The following KCNMA1 variants were observed in gnomAD, a reference collection of about 807,000 sequenced individuals.
The protein encoded by KCNMA1 is potassium calcium-activated channel subfamily M alpha 1.
Under a neutral mutation model 140.0 loss-of-function variants are expected in KCNMA1, and 29 were observed. The observed-to-expected ratio is 0.21, with a 90% CI of 0.15 to 0.28. KCNMA1 has a LOEUF of 0.28. KCNMA1 is among the 10% of genes least tolerant of loss of function. The probability of loss-of-function intolerance (pLI) is 1.00; values close to 1 mark genes in which losing one functional copy is unlikely to be tolerated. For missense variants in KCNMA1, 880 were observed against 1,602.2 expected, an observed-to-expected ratio of 0.55 and a Z score of 7.70; for synonymous variants, 612 against 611.9, an observed-to-expected ratio of 1.00 and a Z score of 0.00.
chr10:77,088,172 G>A (rs1595701754), intron 10 of KCNMA1, among the ~76,000 whole-genome samples: 2 of 152,228 alleles, frequency 1.3e-5, no homozygotes, highest in South Asian at 4.1e-4. Flanking sequence ...CATTGGCCAG[G>A]CTGGTCTTGA....
intron 1 of KCNMA1, among the ~76,000 whole-genome samples, chr10:77,508,006 T>A (rs1603630893): frequency 1.3e-5 from 2 of 152,222 alleles, no homozygotes; most frequent in African/African-American, 4.8e-5. Flanking sequence ...TAAACTGCAG[T>A]GTATCTACTT....
chr10:76,953,909 T>A lies in KCNMA1; in HGVS notation c.2376A>T (p.Leu792Phe). The stretch of plus-strand genomic sequence containing the variant: ...TGTCAATCTGATCATTGCCAGGAAT[T>A]AACAAGGGGTCATGCCTGGGAAGAA... Reference protein sequence around the residue: ...SPKLMRHDPLLIPGNDQIDNM... With the variant: ...SPKLMRHDPLFIPGNDQIDNM... The change falls in exon 21 of 28, where the codon TTA (leucine) becomes TTT (phenylalanine). Residue 792 changes from leucine to phenylalanine, a missense_variant. Leu to Phe is a conservative substitution (Grantham distance 22). Around this residue, in one of 13 missense-constraint regions of KCNMA1, gnomAD observed 196 missense variants for 233.0 expected, o/e 0.84. Transcript: ENST00000286628. 1 of 1,614,094 alleles carries A rather than the reference T, an allele frequency of 6.2e-7. No individual in the cohort carries two copies. Among genetic ancestry groups the A allele is most frequent in the Non-Finnish European group, 8.5e-7 (1 of 1,179,974 alleles).
chr10:76,952,145 C>T (rs1389712395), intron 21 of KCNMA1: 2 of 1,551,578 alleles, frequency 1.3e-6, no homozygotes, highest in Non-Finnish European at 1.7e-6. Context: ...CCAGATACGG[C>T]ATCCAGCCTG....
chr10:77,621,539 C>G (rs1054019260), intron 1 of KCNMA1, among the ~76,000 whole-genome samples: 3 of 152,226 alleles, frequency 2.0e-5, no homozygotes, highest in African/African-American at 7.2e-5. Context: ...CACACACACA[C>G]ACACACACCC....
intron 1 of KCNMA1, among the ~76,000 whole-genome samples, chr10:77,437,518 T>C (rs957604411): frequency 3.3e-5 from 5 of 152,160 alleles, no homozygotes; most frequent in African/African-American, 1.2e-4. Flanking sequence ...AGCAGAAAGA[T>C]ATAAAAACAT....
intron 1 of KCNMA1, among the ~76,000 whole-genome samples, chr10:77,494,518 G>A (rs1257414457): frequency 6.6e-6 from 1 of 152,202 alleles, no homozygotes; most frequent in Non-Finnish European, 1.5e-5. Flanking sequence ...TGAATTGGCA[G>A]CCGCTGCTCA....
chr10:77,284,656 G>A (rs924085494), intron 2 of KCNMA1, among the ~76,000 whole-genome samples: 8 of 152,006 alleles, frequency 5.3e-5, no homozygotes, highest in Admixed American at 2.6e-4. Flanking sequence ...CGGGATTACA[G>A]GCACATGGCA....
intron 19 of KCNMA1, among the ~76,000 whole-genome samples, chr10:76,991,054 C>A (rs1481030064): frequency 6.6e-6 from 1 of 152,192 alleles, no homozygotes; most frequent in Non-Finnish European, 1.5e-5. Context: ...ACCCTGACCG[C>A]CATAAAAGGC....
intron 10 of KCNMA1, among the ~76,000 whole-genome samples, chr10:77,088,690 A>G (rs796766031): frequency 2.9e-4 from 44 of 152,234 alleles, no homozygotes; most frequent in African/African-American, 1.1e-3. Context: ...TGGCCTCCCA[A>G]AGTGCTGGGA....
intron 2 of KCNMA1, among the ~76,000 whole-genome samples, chr10:77,363,784 C>T (rs189015324): frequency 1.1e-3 from 160 of 152,254 alleles, no homozygotes; most frequent in African/African-American, 3.4e-3. Flanking sequence ...ATTCCTGCTC[C>T]CTTTTCTGGT....
intron 1 of KCNMA1, among the ~76,000 whole-genome samples, chr10:77,596,145 T>C (rs2080870961): frequency 1.3e-5 from 2 of 151,766 alleles, no homozygotes; most frequent in Admixed American, 1.3e-4. Context: ...ATAAATCACG[T>C]CTCACCCATT....
chr10:77,611,493 A>G (rs1373457262), intron 1 of KCNMA1, among the ~76,000 whole-genome samples: 1 of 152,238 alleles, frequency 6.6e-6, no homozygotes, highest in East Asian at 1.9e-4. Flanking sequence ...ATATGAGTCA[A>G]TGGAGTCCCT....
chr10:77,163,172 G>A (rs1489797884), intron 5 of KCNMA1, among the ~76,000 whole-genome samples: 2 of 152,158 alleles, frequency 1.3e-5, no homozygotes, highest in African/African-American at 4.8e-5. Context: ...CAGGACACCA[G>A]CTAAAAATGT....
At chr10:77,449,851 C>T (rs1172517405) in intron 1 of KCNMA1, among the ~76,000 whole-genome samples, 1 of 151,968 alleles carries the variant, frequency 6.6e-6, no homozygotes, top group African/African-American at 2.4e-5. Flanking sequence ...ACTGTGTTAG[C>T]CAGGATGGTC....
chr10:77,425,007 G>C (rs943942005), intron 1 of KCNMA1, among the ~76,000 whole-genome samples: 13 of 152,218 alleles, frequency 8.5e-5, no homozygotes, highest in Non-Finnish European at 1.5e-4. Context: ...CACTGGGCCT[G>C]GGCCAGGGCA....
intron 12 of KCNMA1, among the ~76,000 whole-genome samples, chr10:77,081,990 ATTTCTTTTTTTCTTTTCTTTTTT>A (rs2096579009): frequency 5.9e-5 from 5 of 84,116 alleles, no homozygotes; most frequent in Admixed American, 5.3e-4. Flanking sequence ...TTGACCAGTA[ATTTCTTTTTTTCTTTTCTTTTTT>A]TTTTTTTTTT....
intron 2 of KCNMA1, among the ~76,000 whole-genome samples, chr10:77,306,937 G>A (rs1465370841): frequency 6.6e-6 from 1 of 152,172 alleles, no homozygotes; most frequent in Non-Finnish European, 1.5e-5. Context: ...CATTAGCCAA[G>A]GTCAATACCT....
intron 1 of KCNMA1, among the ~76,000 whole-genome samples, chr10:77,478,944 A>G (rs1310320276): frequency 6.6e-6 from 1 of 152,240 alleles, no homozygotes; most frequent in Admixed American, 6.5e-5. Context: ...TGTTAAGAAG[A>G]AAAGCAGAAC....
intron 3 of KCNMA1, among the ~76,000 whole-genome samples, chr10:77,193,388 G>T (rs1772191849): frequency 6.6e-6 from 1 of 152,164 alleles, no homozygotes; most frequent in African/African-American, 2.4e-5. Flanking sequence ...AGTATTGCTT[G>T]ATTTTAGTTT....
Sources: gnomAD v4.1 joint callset for allele counts (sites outside exome capture counted in the v4.1 genomes callset) on GRCh38, gnomAD v4.1.1 for gene constraint, gnomAD v4.1.1 regional missense constraint, MANE v1.5 for transcripts, NCBI Gene and HGNC (gene_info 2026-07-23, HGNC 2026-07-21) for gene names.